Variants in BRSK1 observed in about 807,000 individuals in gnomAD.
BRSK1 encodes the protein BR serine/threonine kinase 1.
BRSK1 carries 17 observed loss-of-function variants against 86.2 expected under a neutral mutation model. That is an observed-to-expected ratio of 0.20 (90% CI 0.14 to 0.30). BRSK1 has a LOEUF of 0.30. Ranked by LOEUF, BRSK1 falls within the 10% of genes least tolerant of loss-of-function variation. The probability of loss-of-function intolerance (pLI) is 1.00; values close to 1 mark genes in which losing one functional copy is unlikely to be tolerated. For synonymous variants in BRSK1, 464 were observed against 440.1 expected (o/e 1.05, Z -0.68); for missense variants, 719 against 1,071.9 (o/e 0.67, Z 4.60).
chr19:55,297,180 G>A (rs981341600), intron 7 of BRSK1, among the ~76,000 whole-genome samples: 4 of 151,768 alleles, frequency 2.6e-5, no homozygotes, highest in Non-Finnish European at 4.4e-5. Context: ...GGATTCAAGC[G>A]ATTCTCCTGC....
chr19:55,308,494 T>G, intron 17 of BRSK1, 145 bp from the exon 18 acceptor site: 3 of 643,632 alleles, frequency 4.7e-6, no homozygotes, highest in Non-Finnish European at 8.8e-6. Context: ...AAACCGTGGA[T>G]TGATGTGGCC....
chr19:55,306,208 C>T lies in BRSK1; in HGVS notation c.1891-44C>T. Reference sequence around the variant, plus strand: ...CAGAGCTGGTCGTGGGGCTGGGTATCCATTTCCTGGGCTCACCCCTTCCTG... The same window carrying T: ...CAGAGCTGGTCGTGGGGCTGGGTATTCATTTCCTGGGCTCACCCCTTCCTG... On this transcript the variant is annotated intron_variant, in intron 16 of 18. Transcript: ENST00000309383. The surrounding 1 kb of genome is among the most constrained non-coding windows in gnomAD (Gnocchi z 4.7). 9 of 1,600,306 alleles carry T rather than the reference C, an allele frequency of 5.6e-6. No individual in the cohort carries two copies. Among genetic ancestry groups the T allele is most frequent in the Non-Finnish European group, 7.7e-6 (9 of 1,169,794 alleles).
At position 55,303,462 on chromosome 19, in the gene BRSK1, C is replaced by A; in HGVS notation, c.1126+54C>A. The A allele has an allele frequency of 6.4e-7, 1 of 1,573,532 alleles. No homozygotes were observed. Among genetic ancestry groups the A allele is most frequent in the Non-Finnish European group, 8.7e-7 (1 of 1,144,050 alleles). On this transcript the variant is annotated intron_variant, in intron 11 of 18. Coordinates refer to ENST00000309383, the MANE Select transcript of BRSK1 (RefSeq NM_032430.2). This position sits in a 1 kb window ranked among gnomAD's most constrained non-coding sequence, Gnocchi z 5.1. ...ACCTGGGTCTCGAGATTGGAAGAGGCTGGCCACGGGGACCCCAGATTCCCA... is the reference window on the plus strand; with the variant it reads ...ACCTGGGTCTCGAGATTGGAAGAGGATGGCCACGGGGACCCCAGATTCCCA...
At chr19:55,311,235 T>A (rs1406239184) in intron 18 of BRSK1, among the ~76,000 whole-genome samples, 1 of 152,146 alleles carries the variant, frequency 6.6e-6, no homozygotes, top group African/African-American at 2.4e-5. Flanking sequence ...ATGCTGGGAT[T>A]ACAGGCATGA....
rs1293313941 is a variant in BRSK1 at position 55,310,938 on chromosome 19, G to T, written c.2180-973G>T. ...GGGTGCAGGCCTCCGAGTCACCGTG[G>T]TTGCTATGACAAGCCCCCCAGTTTT... On this transcript the variant is annotated intron_variant, in intron 18 of 18. Coordinates refer to ENST00000309383, the MANE Select transcript of BRSK1 (RefSeq NM_032430.2). The surrounding 1 kb of genome is among the most constrained non-coding windows in gnomAD (Gnocchi z 5.0). 6.6e-6 allele frequency among the ~76,000 whole-genome samples: 1 copy of T among 152,070 alleles called. No homozygotes were observed. The highest frequency in any genetic ancestry group is 1.5e-5 in the Non-Finnish European group (1 of 68,004).
intron 7 of BRSK1, among the ~76,000 whole-genome samples, chr19:55,299,183 C>T (rs543867841): frequency 6.6e-6 from 1 of 152,134 alleles, no homozygotes; most frequent in East Asian, 1.9e-4. Flanking sequence ...TAAACAGAAA[C>T]ACATACAAAC....
rs774089089 is a variant in BRSK1 at position 55,304,609 on chromosome 19, G to C, written c.1406G>C (p.Gly469Ala). 3 of 1,566,964 alleles carry C rather than the reference G, an allele frequency of 1.9e-6. No individual in the cohort carries two copies. Among genetic ancestry groups the C allele is most frequent in the Admixed American group, 3.8e-5 (2 of 52,752 alleles). Residue 469 changes from glycine to alanine, a missense_variant, in exon 14 of 19, where the codon GGC (glycine) becomes GCC (alanine). Physicochemically the swap from Gly to Ala is moderately conservative, Grantham distance 60. Around this residue, in one of 6 missense-constraint regions of BRSK1, gnomAD observed 143 missense variants for 120.1 expected, o/e 1.19. Transcript: ENST00000309383. This position sits in a 1 kb window ranked among gnomAD's most constrained non-coding sequence, Gnocchi z 5.2. The part of the protein sequence containing the change: ...PGAGDEARGG[G>A]SPTSKTQTLP... ...GCTGGAGATGAGGCTCGAGGCGGGG[G>C]CTCCCCGACTTCCAAAACGCAGACG... is the stretch of plus-strand genomic sequence containing the variant.
chr19:55,301,381 G>C (rs766029337), intron 7 of BRSK1, 131 bp from the exon 8 acceptor site: 82 of 1,181,500 alleles, frequency 6.9e-5, no homozygotes, highest in Admixed American at 4.4e-4. Flanking sequence ...GGGGCCTTTG[G>C]CAAATTGCTG....
rs1003714845 is a variant in BRSK1, at chr19:55,287,359, G to A, written c.317+60G>A. The A allele has an allele frequency of 2.0e-6, 3 of 1,536,268 alleles. No individual in the cohort carries two copies. Among genetic ancestry groups the A allele is most frequent in the Non-Finnish European group, 2.7e-6 (3 of 1,111,196 alleles). ...CTCCCTCTCCAGGTTACCAGGGTGGGACTTCTCCAGAAACAGGGCCTAGGG... is the reference window on the plus strand; with the variant it reads ...CTCCCTCTCCAGGTTACCAGGGTGGAACTTCTCCAGAAACAGGGCCTAGGG... On this transcript the variant is annotated intron_variant, in intron 3 of 18. Transcript: ENST00000309383. This position sits in a 1 kb window ranked among gnomAD's most constrained non-coding sequence, Gnocchi z 5.3.
At chr19:55,290,203 C>T (rs2088383277) in intron 4 of BRSK1, among the ~76,000 whole-genome samples, 1 of 152,134 alleles carries the variant, frequency 6.6e-6, no homozygotes, top group South Asian at 2.1e-4. Flanking sequence ...ACCATGTTGG[C>T]CAGGCTGGTC....
chr19:55,284,649 G>A, intron 1 of BRSK1, 71 bp downstream of exon 1: 1 of 1,223,184 alleles, frequency 8.2e-7, no homozygotes, highest in Non-Finnish European at 1.0e-6. Context: ...GGGACTCAGG[G>A]TATTCAAATG....
intron 1 of BRSK1, among the ~76,000 whole-genome samples, chr19:55,286,185 G>T (rs1339317806): frequency 6.8e-6 from 1 of 147,070 alleles, no homozygotes; most frequent in Non-Finnish European, 1.5e-5. Flanking sequence ...TGAGGGAGGA[G>T]GGGCTGGGGT....
At position 55,310,067 on chromosome 19, in the gene BRSK1, T is replaced by C. The variant is rs1259432506; in HGVS notation, c.2179+1339T>C. ...CTCTGAGTCCCAGGGTCAGGTCTTT[T>C]GCTCTGGAGCCGTGGTTCTCAACTA... On this transcript the variant is annotated intron_variant, in intron 18 of 18. Coordinates refer to ENST00000309383, the MANE Select transcript of BRSK1 (RefSeq NM_032430.2). This position sits in a 1 kb window ranked among gnomAD's most constrained non-coding sequence, Gnocchi z 5.0. Among the ~76,000 whole-genome samples the C allele has an allele frequency of 6.6e-6, 1 of 152,236 alleles. No homozygotes were observed. Among genetic ancestry groups the C allele is most frequent in the African/African-American group, 2.4e-5 (1 of 41,458 alleles).
rs554533951 is a variant in BRSK1, at chr19:55,311,450, A to AC, written c.2180-454dup. On this transcript the variant is annotated intron_variant, in intron 18 of 18. Transcript: ENST00000309383. ...GCTGGCCCAGCATGAGGGGCCTGAG[A>AC]CCCCCCCGACTCCACCAGTAGGCTC... Among the ~76,000 whole-genome samples, 203 of 151,378 alleles carry AC rather than the reference A, an allele frequency of 1.3e-3. 1 individual carries two copies. Among genetic ancestry groups the AC allele is most frequent in the African/African-American group, 4.4e-3 (181 of 41,208 alleles).
Position 55,284,044 on chromosome 19 carries a change from GA to G in BRSK1, c.-398del. The G allele has an allele frequency of 8.1e-7, 1 of 1,235,100 alleles. No individual in the cohort carries two copies. The highest frequency in any genetic ancestry group is 1.0e-6 in the Non-Finnish European group (1 of 989,878). The allele number at this position is 1,235,100 out of a possible 1,614,324, so 76.5% of individuals were successfully genotyped here. On this transcript the variant is annotated 5_prime_UTR_variant, in exon 1 of 19. It removes the in-frame stop codon of an upstream open reading frame in the 5' UTR. Coordinates refer to ENST00000309383, the MANE Select transcript of BRSK1 (RefSeq NM_032430.2). ...GAGAGAAAGGACGAGGTGGCGGGGG[GA>G]GGCGGAGAGGAGGAGGAGGCGGAGG... is the stretch of plus-strand genomic sequence containing the variant.
Position 55,305,549 on chromosome 19 carries a change from G to A in BRSK1, c.1853G>A (p.Ser618Asn). The change falls in exon 16 of 19, where the codon AGC becomes AAC. Residue 618 changes from serine (S) to asparagine (N), a missense_variant. Physicochemically the swap from Ser to Asn is conservative, Grantham distance 46 (BLOSUM62 1). Transcript: ENST00000309383. ...CTCGTGCTAAAGGACAAACCTCTCA[G>A]CAGCATCAAAGCAGACATCGTCCAT... ...IFLVLKDKPL[S>N]SIKADIVHAF... is the part of the protein sequence containing the mutation. 6.2e-7 allele frequency: 1 copy of A among 1,614,178 alleles called. No individual in the cohort carries two copies. The highest frequency in any genetic ancestry group is 8.5e-7 in the Non-Finnish European group (1 of 1,180,038).
At chr19:55,293,262 G>A (rs575633049) in intron 4 of BRSK1, among the ~76,000 whole-genome samples, 143 of 152,224 alleles carry the variant, frequency 9.4e-4, no homozygotes, top group African/African-American at 3.4e-3. Context: ...TCTTGAACCC[G>A]GGAGGTTGTG....
intron 7 of BRSK1, among the ~76,000 whole-genome samples, chr19:55,299,425 A>G (rs1029631730): frequency 3.3e-5 from 5 of 150,152 alleles, no homozygotes; most frequent in African/African-American, 4.9e-5. Context: ...TTTCTCTGTC[A>G]CCTAGGATGG....
intron 7 of BRSK1, among the ~76,000 whole-genome samples, chr19:55,300,039 C>A (rs73053177): frequency 2.7e-4 from 41 of 152,034 alleles, no homozygotes; most frequent in Non-Finnish European, 5.4e-4. Flanking sequence ...ATGATACGTT[C>A]GCTTGTTTGT....
Sources: allele counts gnomAD v4.1 joint callset (sites outside exome capture counted in the v4.1 genomes callset), GRCh38; gene constraint gnomAD v4.1.1; regional missense constraint gnomAD v4.1.1; non-coding constraint Gnocchi (gnomAD v3.1); transcripts MANE v1.5; gene names NCBI Gene and HGNC (gene_info 2026-07-23, HGNC 2026-07-21).